The following USP24 variants were observed in gnomAD, a reference collection of about 807,000 sequenced individuals.
The protein encoded by USP24 is ubiquitin specific peptidase 24.
USP24 carries 97 observed loss-of-function variants against 361.6 expected under a neutral mutation model. That is an observed-to-expected ratio of 0.27 (90% confidence interval 0.23 to 0.32). The LOEUF (loss-of-function observed/expected upper bound fraction) is 0.32. Among genes scored for constraint, USP24 ranks in the 10% least tolerant of loss-of-function variants. The pLI is 1.00. For missense variants in USP24, 2,353 were observed against 3,165.6 expected (o/e 0.74, Z 6.16); for synonymous variants, 1,098 against 1,124.6 (o/e 0.98, Z 0.47).
chr1:55,098,574 G>A lies in USP24; in HGVS notation c.5371-16C>T. On this transcript the variant is annotated splice_polypyrimidine_tract_variant and intron_variant, in intron 45 of 67. Transcript: ENST00000294383. ...TCCCCATTTTCTGTTGGAATGAAAAGTTACAGTTTTAAGTGATGCCTCCTG... is the reference window on the plus strand; with the variant it reads ...TCCCCATTTTCTGTTGGAATGAAAAATTACAGTTTTAAGTGATGCCTCCTG... 1 of 1,590,042 alleles carries A rather than the reference G, an allele frequency of 6.3e-7. No homozygotes were observed. The highest frequency in any genetic ancestry group is 8.6e-7 in the Non-Finnish European group (1 of 1,160,896).
rs1330980906 is a variant in USP24 at position 55,068,429 on chromosome 1, TTCA to T, written c.*613_*615del. The T allele has an allele frequency of 1.3e-5, 2 of 152,190 alleles. No homozygotes were observed. The highest frequency in any genetic ancestry group is 2.9e-5 in the Non-Finnish European group (2 of 68,026). The allele number at this position is 152,190 out of a possible 1,614,324, so 9.4% of individuals were successfully genotyped here. ...TTTTTGATCCTGATCCTGGTAACCT[TTCA>T]TCAAGATCCAAGCTTATGCATAGGG... On this transcript the variant is annotated 3_prime_UTR_variant, in exon 68 of 68. Coordinates refer to ENST00000294383, the MANE Select transcript of USP24 (RefSeq NM_015306.3).
chr1:55,154,734 A>G lies in USP24; in HGVS notation c.1491T>C (p.Ile497=). 1 of 1,613,496 alleles carries G rather than the reference A, an allele frequency of 6.2e-7. No individual in the cohort carries two copies. The highest frequency in any genetic ancestry group is 8.5e-7 in the Non-Finnish European group (1 of 1,179,618). The change falls in exon 13 of 68, where the codon ATT becomes ATC. Residue 497 remains isoleucine, a synonymous_variant. Transcript: ENST00000294383. The part of the protein sequence containing the change: ...STVIENIHTI[I]AAAAVKFNSD... The stretch of plus-strand genomic sequence containing the variant: ...AATTAAATTTCACAGCCGCTGCAGC[A>G]ATAATAGTATGAATGTTCTCAATCA...
At chr1:55,206,142 T>C (rs1644696796) in intron 1 of USP24, among the ~76,000 whole-genome samples, 1 of 152,222 alleles carries the variant, frequency 6.6e-6, no homozygotes, top group Non-Finnish European at 1.5e-5. Context: ...AGATTTTCTT[T>C]GCATCCAACC....
intron 18 of USP24, 81 bp from the exon 19 acceptor site, chr1:55,147,141 G>C (rs1224002135): frequency 3.7e-6 from 5 of 1,342,686 alleles, no homozygotes; most frequent in African/African-American, 1.5e-5. Flanking sequence ...AAAACTTTAA[G>C]TTTTAACAAC....
At chr1:55,071,001 G>A in intron 67 of USP24, 1 of 331,174 alleles carries the variant, frequency 3.0e-6, no homozygotes, top group Non-Finnish European at 4.3e-6. Flanking sequence ...AGGTGATGAG[G>A]TAATGTGTGG....
intron 45 of USP24, among the ~76,000 whole-genome samples, chr1:55,098,829 C>T (rs1309331506): frequency 6.6e-6 from 1 of 152,166 alleles, no homozygotes; most frequent in African/African-American, 2.4e-5. Context: ...CCCTGTGCTA[C>T]AAGGACCAAG....
chr1:55,177,649 T>C (rs1420175185), intron 2 of USP24, among the ~76,000 whole-genome samples: 1 of 152,178 alleles, frequency 6.6e-6, no homozygotes, highest in Non-Finnish European at 1.5e-5. Context: ...GTTAAATAAA[T>C]ATAACTTTCT....
At chr1:55,099,654 T>C in intron 45 of USP24, 117 bp downstream of exon 45, 1 of 711,982 alleles carries the variant, frequency 1.4e-6, no homozygotes. Context: ...AGTTCTTATG[T>C]TAAAGATAAT....
intron 16 of USP24, among the ~76,000 whole-genome samples, chr1:55,149,328 A>G (rs948258364): frequency 3.9e-5 from 6 of 152,210 alleles, no homozygotes; most frequent in African/African-American, 1.4e-4. Context: ...CAGTTTAAAC[A>G]TGACTATTAA....
intron 1 of USP24, among the ~76,000 whole-genome samples, chr1:55,178,386 A>T (rs1557675068): frequency 6.6e-6 from 1 of 152,148 alleles, no homozygotes; most frequent in East Asian, 1.9e-4. Flanking sequence ...TGAACTGTCC[A>T]GGCCGGGCGC....
At chr1:55,087,770 A>C (rs2100453925) in intron 55 of USP24, among the ~76,000 whole-genome samples, 1 of 152,354 alleles carries the variant, frequency 6.6e-6, no homozygotes, top group Non-Finnish European at 1.5e-5. Context: ...AGATGGGCAG[A>C]AAAAAGGGAG....
Position 55,181,421 on chromosome 1 carries a change from C to T in USP24, c.325-3289G>A, listed in dbSNP as rs1022703481. ...TCAGTTTTTAAAGCGTAACACTTTTCAGAAATACATTTAATTCATAAGTAC... is the reference window on the plus strand; with the variant it reads ...TCAGTTTTTAAAGCGTAACACTTTTTAGAAATACATTTAATTCATAAGTAC... On this transcript the variant is annotated intron_variant, in intron 1 of 67. Transcript: ENST00000294383. Among the ~76,000 whole-genome samples, 51 of 152,106 alleles carry T rather than the reference C, an allele frequency of 3.4e-4. 3 individuals are homozygous for T. Among genetic ancestry groups the T allele is most frequent in the Non-Finnish European group, 4.4e-5 (3 of 68,006 alleles).
intron 52 of USP24, 43 bp from the exon 53 acceptor site, chr1:55,092,959 T>A: frequency 1.5e-6 from 2 of 1,299,478 alleles, no homozygotes; most frequent in Non-Finnish European, 2.1e-6. Context: ...AATGGAAAAA[T>A]ATTCAATATG....
chr1:55,166,725 CAA>C lies in USP24; in HGVS notation c.826-124_826-123del, dbSNP rs1218356843. 3 of 1,022,192 alleles carry C rather than the reference CAA, an allele frequency of 2.9e-6. No homozygotes were observed. The East Asian group carries it at 8.2e-5, about 28-fold the overall frequency. The allele number at this position is 1,022,192 out of a possible 1,614,324, so 63.3% of individuals were successfully genotyped here. On this transcript the variant is annotated intron_variant, in intron 5 of 67. Transcript: ENST00000294383. The stretch of plus-strand genomic sequence containing the variant: ...ATTATAAAAGTTTGGAAACTATTTT[CAA>C]AGTTTTTTTCCCAAACGCTTCCTAA...
rs546583605 is a variant in USP24, at chr1:55,154,296, A to G, written c.1651-16T>C. ...CGTCTAAAACCTACAATAATATTACATATGATCAGCCAGCCAATATGCAAA... is the reference window on the plus strand; with the variant it reads ...CGTCTAAAACCTACAATAATATTACGTATGATCAGCCAGCCAATATGCAAA... On this transcript the variant is annotated splice_polypyrimidine_tract_variant and intron_variant, in intron 14 of 67. Coordinates refer to ENST00000294383, the MANE Select transcript of USP24 (RefSeq NM_015306.3). 3.1e-6 allele frequency: 5 copies of G among 1,597,900 alleles called. No homozygotes were observed. The African/African-American group carries it at 5.4e-5, about 17-fold the overall frequency.
In USP24 at chr1:55,071,055, AC is replaced by A. The variant is rs572024674; in HGVS notation, c.7800+758del. On this transcript the variant is annotated intron_variant, in intron 67 of 67. Coordinates refer to ENST00000294383, the MANE Select transcript of USP24 (RefSeq NM_015306.3). Reference sequence around the variant, plus strand: ...CACATCACTGTGCTGGGCTGCAGTTACCTTTCTGTAAAATCAGGGTGACAGC... The same window carrying A: ...CACATCACTGTGCTGGGCTGCAGTTACTTTCTGTAAAATCAGGGTGACAGC... 3.6e-4 allele frequency: 308 copies of A among 854,824 alleles called. 1 individual carries two copies. In the African/African-American group the frequency reaches 4.7e-3, roughly 13 times the overall value. The allele number at this position is 854,824 out of a possible 1,614,324, so 53.0% of individuals were successfully genotyped here. A position where few individuals can be genotyped will look rare whatever the true frequency, so the allele number is the denominator to read the frequency against.
intron 1 of USP24, among the ~76,000 whole-genome samples, chr1:55,194,502 T>C (rs181912909): frequency 2.0e-4 from 31 of 152,032 alleles, no homozygotes; most frequent in Admixed American, 1.0e-3. Flanking sequence ...GTTTGGGAGG[T>C]TGAGGTGGGT....
Position 55,081,438 on chromosome 1 carries a change from A to AT in USP24, c.6976-15_6976-14insA. 1 of 1,612,106 alleles carries AT rather than the reference A, an allele frequency of 6.2e-7. No homozygotes were observed. The highest frequency in any genetic ancestry group is 2.2e-5 in the East Asian group (1 of 44,854). ...CCATCGACGTATCTGTCATCAGGGA[A>AT]GATAAAGTGGCTGTTAGTGTTGTCG... On this transcript the variant is annotated splice_polypyrimidine_tract_variant and intron_variant, in intron 58 of 67. Coordinates refer to ENST00000294383, the MANE Select transcript of USP24 (RefSeq NM_015306.3).
chr1:55,090,259 C>T (rs775241879), intron 54 of USP24, among the ~76,000 whole-genome samples: 17 of 152,034 alleles, frequency 1.1e-4, no homozygotes, highest in Non-Finnish European at 1.9e-4. Context: ...CCTTACATCC[C>T]CCAATGTCCC....
Sources: gnomAD v4.1 joint callset for allele counts (sites outside exome capture counted in the v4.1 genomes callset) on GRCh38, gnomAD v4.1.1 for gene constraint, MANE v1.5 for transcripts, NCBI Gene and HGNC (gene_info 2026-07-23, HGNC 2026-07-21) for gene names.